The following DST variants were observed in gnomAD, a reference collection of about 807,000 sequenced individuals.
DST encodes the protein bullous pemphigoid antigen.
A neutral mutation model predicts 875.2 loss-of-function variants in DST; 253 were observed. The ratio of observed to expected loss-of-function variants is 0.29; its 90% confidence interval spans 0.26 to 0.32. The LOEUF (loss-of-function observed/expected upper bound fraction) is 0.32. DST is among the 10% of genes least tolerant of loss of function. The pLI, the probability that DST is intolerant of heterozygous loss-of-function variation, is 1.00. For synonymous variants in DST, 3,124 were observed against 3,197.1 expected, an observed-to-expected ratio of 0.98 and a Z score of 0.77; for missense variants, 8,287 against 9,111.6, an observed-to-expected ratio of 0.91 and a Z score of 3.68.
chr6:56,794,385 T>C (rs2099736230), intron 4 of DST, among the ~76,000 whole-genome samples: 1 of 152,178 alleles, frequency 6.6e-6, no homozygotes, highest in South Asian at 2.1e-4. Context: ...AATCTGTGTT[T>C]AGGGTACATA....
Position 56,605,409 on chromosome 6 carries a change from G to A in DST, c.9219C>T (p.Leu3073=). The A allele has an allele frequency of 1.2e-6, 2 of 1,612,644 alleles. No individual in the cohort carries two copies. The highest frequency in any genetic ancestry group is 1.7e-6 in the Non-Finnish European group (2 of 1,179,214). The change falls in exon 40 of 104, where the codon CTC becomes CTT. Residue 3073 remains leucine, a synonymous_variant. Transcript: ENST00000680361. ...EGLVEEENRH[L]KLLPGKNTRD... ...TTGTATTTTTACCAGGCAAAAGTTT[G>A]AGATGCCTATTTTCTTCTTCTACTA...
chr6:56,617,455 C>A, intron 36 of DST: 4 of 1,492,300 alleles, frequency 2.7e-6, no homozygotes, highest in Non-Finnish European at 3.7e-6. Flanking sequence ...AAAGTCACCT[C>A]AAGAACATTA....
At chr6:56,707,608 AC>A (rs2099346298) in intron 5 of DST, among the ~76,000 whole-genome samples, 1 of 152,098 alleles carries the variant, frequency 6.6e-6, no homozygotes, top group African/African-American at 2.4e-5. Flanking sequence ...CCTACACCCT[AC>A]CAGACTTACA....
chr6:56,781,620 A>C (rs894605566), intron 4 of DST, among the ~76,000 whole-genome samples: 1 of 152,148 alleles, frequency 6.6e-6, no homozygotes, highest in African/African-American at 2.4e-5. Flanking sequence ...AGGAGATTTT[A>C]GGCTGAGACA....
At chr6:56,526,604 C>T in intron 68 of DST, 37 bp from the exon 69 acceptor site, 1 of 1,580,040 alleles carries the variant, frequency 6.3e-7, no homozygotes. Flanking sequence ...CACTTAAGAG[C>T]TTCAACAGAC....
chr6:56,517,587 T>C lies in DST; in HGVS notation c.18163A>G (p.Ile6055Val), dbSNP rs1469070865. 1 of 1,613,186 alleles carries C rather than the reference T, an allele frequency of 6.2e-7. No individual in the cohort carries two copies. Among genetic ancestry groups the C allele is most frequent in the Non-Finnish European group, 8.5e-7 (1 of 1,179,540 alleles). The change falls in exon 70 of 104, where the codon ATT becomes GTT. Residue 6055 changes from isoleucine to valine, a missense_variant. This residue lies in a region of DST where 777 missense variants were observed against 764.8 expected (regional missense o/e 1.02). Transcript: ENST00000680361. ...ATCAATTTTTTTTCTGTTTCAGTAATCCAGGATAACTCAGCATCAGCTGCT... is the reference window on the plus strand; with the variant it reads ...ATCAATTTTTTTTCTGTTTCAGTAACCCAGGATAACTCAGCATCAGCTGCT... ...DQAADAELSW[I>V]TETEKKLMSL...
chr6:56,666,844 A>C (rs2099074813), intron 10 of DST, among the ~76,000 whole-genome samples: 1 of 150,198 alleles, frequency 6.7e-6, no homozygotes, highest in Non-Finnish European at 1.5e-5. Context: ...CAAGCTATCC[A>C]CCCACCTCAG....
chr6:56,522,742 C>T (rs1393310559), intron 69 of DST, among the ~76,000 whole-genome samples: 1 of 146,966 alleles, frequency 6.8e-6, no homozygotes, highest in Non-Finnish European at 1.6e-5. Context: ...CTTACATAAG[C>T]CAAGCAATTA....
chr6:56,478,189 G>A (rs1319444509), intron 90 of DST, among the ~76,000 whole-genome samples: 1 of 152,084 alleles, frequency 6.6e-6, no homozygotes, highest in East Asian at 1.9e-4. Context: ...AAGGTAAGGA[G>A]GTTAATATTT....
chr6:56,693,153 A>G (rs914277125), intron 9 of DST: 1 of 1,278,092 alleles, frequency 7.8e-7, no homozygotes, highest in Non-Finnish European at 1.0e-6. Context: ...TCCCCATTTG[A>G]TTTGTAGGAG....
In DST at chr6:56,487,129, T is replaced by C; in HGVS notation, c.21022A>G (p.Thr7008Ala). 6.2e-7 allele frequency: 1 copy of C among 1,613,954 alleles called. No homozygotes were observed. The highest frequency in any genetic ancestry group is 8.5e-7 in the Non-Finnish European group (1 of 1,179,858). Residue 7008 changes from threonine (T) to alanine (A), a missense_variant, in exon 87 of 104, where the codon ACC becomes GCC. Transcript: ENST00000680361. ...MLSELRDKWD[T>A]ICGKSVERQN... ...CTTTCCACAGATTTTCCACATATGG[T>C]ATCCCATTTGTCTCTGAGTTCACTC...
chr6:56,871,878 T>A, intron 3 of DST: 2 of 233,748 alleles, frequency 8.6e-6, no homozygotes, highest in South Asian at 1.3e-4. Context: ...TTGCATGTAT[T>A]CAACTGGAAA....
chr6:56,573,461 A>C (rs2097808977), intron 51 of DST, among the ~76,000 whole-genome samples: 1 of 152,216 alleles, frequency 6.6e-6, no homozygotes, highest in Non-Finnish European at 1.5e-5. Flanking sequence ...TATAATGAAT[A>C]ATATTCAAGA....
At chr6:56,589,874 C>T (rs2152680717) in intron 49 of DST, among the ~76,000 whole-genome samples, 1 of 152,128 alleles carries the variant, frequency 6.6e-6, no homozygotes, top group Middle Eastern at 3.4e-3. Flanking sequence ...ATTGGATGCC[C>T]CAAAAATTAC....
chr6:56,609,359 C>A lies in DST; in HGVS notation c.5284-15G>T, dbSNP rs374070433. 5.1e-6 allele frequency: 8 copies of A among 1,563,490 alleles called. No individual in the cohort carries two copies. In the Admixed American group the frequency reaches 9.4e-5, roughly 18 times the overall value. ...ACTTTATCCAGCTGAAAGGAAAATG[C>A]AAAAATCTCAGGTCACTCTGTTACA... On this transcript the variant is annotated splice_polypyrimidine_tract_variant and intron_variant, in intron 39 of 103. Transcript: ENST00000680361.
At chr6:56,780,315 C>G (rs368917333) in intron 4 of DST, among the ~76,000 whole-genome samples, 5 of 151,872 alleles carry the variant, frequency 3.3e-5, no homozygotes, top group African/African-American at 4.8e-5. Context: ...TCTTCCACAA[C>G]GGTTGAACTA....
At chr6:56,757,932 T>C (rs1257604646) in intron 4 of DST, among the ~76,000 whole-genome samples, 3 of 152,150 alleles carry the variant, frequency 2.0e-5, no homozygotes, top group African/African-American at 7.2e-5. Context: ...ATGTGCAAAA[T>C]AGAACCAATA....
At chr6:56,798,837 G>A (rs1293150453) in intron 4 of DST, among the ~76,000 whole-genome samples, 1 of 152,134 alleles carries the variant, frequency 6.6e-6, no homozygotes, top group Non-Finnish European at 1.5e-5. Context: ...ATTAACAGGA[G>A]TTTGGAAGAA....
At chr6:56,521,709 A>G (rs1033475508) in intron 69 of DST, among the ~76,000 whole-genome samples, 2 of 151,954 alleles carry the variant, frequency 1.3e-5, no homozygotes, top group Admixed American at 6.6e-5. Flanking sequence ...CAAAGGGAGT[A>G]GCTACAGGAT....
Sources: allele counts gnomAD v4.1 joint callset (sites outside exome capture counted in the v4.1 genomes callset), GRCh38; gene constraint gnomAD v4.1.1; regional missense constraint gnomAD v4.1.1; transcripts MANE v1.5; gene names NCBI Gene and HGNC (gene_info 2026-07-23, HGNC 2026-07-21).